AK7: variants seen among roughly 807,000 people sequenced by gnomAD.
The protein encoded by AK7 is ATP-AMP transphosphorylase 7.
A neutral mutation model predicts 96.6 loss-of-function variants in AK7; 78 were observed. The ratio of observed to expected loss-of-function variants is 0.81; its 90% CI spans 0.67 to 0.97. The LOEUF (loss-of-function observed/expected upper bound fraction) is 0.97, where lower values mean the gene tolerates loss of function less well. AK7 is among the 50% of genes least tolerant of loss of function. The pLI, the probability that AK7 is intolerant of heterozygous loss-of-function variation, is 0.00. For missense variants in AK7, 855 were observed against 887.9 expected (o/e 0.96, Z 0.47); for synonymous variants, 302 against 317.2 (o/e 0.95, Z 0.51).
At chr14:96,418,625 T>C (rs1219430367) in intron 4 of AK7, among the ~76,000 whole-genome samples, 2 of 152,138 alleles carry the variant, frequency 1.3e-5, no homozygotes, top group Non-Finnish European at 2.9e-5. Context: ...TTCAAGCGAT[T>C]CTCCTGCCTC....
intron 4 of AK7, among the ~76,000 whole-genome samples, chr14:96,419,785 T>TTTC (rs33935761): frequency 0.072 from 5,294 of 73,594 alleles, 622 homozygotes; most frequent in African/African-American, 0.23. Flanking sequence ...TTTTTCTTTC[T>TTTC]TTTCTTTTTT....
chr14:96,450,238 GA>G (rs1359687155), intron 9 of AK7, among the ~76,000 whole-genome samples: 4 of 151,952 alleles, frequency 2.6e-5, no homozygotes, highest in African/African-American at 9.7e-5. Flanking sequence ...CCAACCGGGT[GA>G]AACCCTGTCT....
chr14:96,405,841 A>G (rs1041069311), intron 3 of AK7, among the ~76,000 whole-genome samples: 1 of 152,208 alleles, frequency 6.6e-6, no homozygotes, highest in Non-Finnish European at 1.5e-5. Context: ...AAGGACCTCA[A>G]GTCTAAGAGA....
At chr14:96,448,630 TAAAAAA>T (rs71103528) in intron 8 of AK7, among the ~76,000 whole-genome samples, 15 of 74,894 alleles carry the variant, frequency 2.0e-4, no homozygotes, top group Non-Finnish European at 2.3e-4. Flanking sequence ...ACCCTATCTC[TAAAAAA>T]AAAAAAAAAA....
Position 96,488,587 on chromosome 14 carries a change from T to G in AK7, c.*244T>G. 2.5e-6 allele frequency: 1 copy of G among 396,972 alleles called. No individual in the cohort carries two copies. The highest frequency in any genetic ancestry group is 4.5e-5 in the South Asian group (1 of 22,078). The allele number at this position is 396,972 out of a possible 1,614,324, so 24.6% of individuals were successfully genotyped here. On this transcript the variant is annotated 3_prime_UTR_variant, in exon 18 of 18. Transcript: ENST00000267584. ...TCATGAGACAAATACTGATTTAATATTTTATTCTTTAGTCAGATCTAAATA... is the reference window on the plus strand; with the variant it reads ...TCATGAGACAAATACTGATTTAATAGTTTATTCTTTAGTCAGATCTAAATA...
At chr14:96,427,153 G>A (rs538775343) in intron 5 of AK7, among the ~76,000 whole-genome samples, 1 of 152,284 alleles carries the variant, frequency 6.6e-6, no homozygotes, top group Middle Eastern at 3.4e-3. Flanking sequence ...GCTGAGGCAG[G>A]AGAATCGTTT....
chr14:96,423,684 G>A (rs1163307247), intron 5 of AK7: 4 of 667,896 alleles, frequency 6.0e-6, no homozygotes, highest in Non-Finnish European at 1.1e-5. Context: ...TCAGGTCGCC[G>A]AGCTGCCCCC....
In AK7 at chr14:96,442,810, T is replaced by C; in HGVS notation, c.771T>C (p.Asp257=). The part of the protein sequence containing the change: ...TNVIPTIHVL[D]LAGVIQNVID... ...TAATTCCAACAATCCATGTTCTTGA[T>C]CTAGCAGGGTAAGCATTCGCCCAGA... Residue 257 remains aspartate, a synonymous_variant, in exon 7 of 18, where the codon GAT becomes GAC. Coordinates refer to ENST00000267584, the MANE Select transcript of AK7 (RefSeq NM_152327.5). 1 of 1,613,806 alleles carries C rather than the reference T, an allele frequency of 6.2e-7. No homozygotes were observed. The highest frequency in any genetic ancestry group is 1.6e-4 in the Middle Eastern group (1 of 6,062).
chr14:96,421,035 ACCCCAG>A, intron 5 of AK7, 103 bp downstream of exon 5: 4 of 751,870 alleles, frequency 5.3e-6, no homozygotes, highest in Non-Finnish European at 8.7e-6. Flanking sequence ...CTTTAGGCTC[ACCCCAG>A]GATACACTGT....
At chr14:96,395,355 G>T (rs993870207) in intron 1 of AK7, among the ~76,000 whole-genome samples, 9 of 152,278 alleles carry the variant, frequency 5.9e-5, no homozygotes, top group Non-Finnish European at 1.2e-4. Context: ...GAAGTGGGTT[G>T]TCCTAAAGGT....
chr14:96,424,841 A>T (rs1411195236), intron 5 of AK7, among the ~76,000 whole-genome samples: 1 of 152,206 alleles, frequency 6.6e-6, no homozygotes, highest in Non-Finnish European at 1.5e-5. Context: ...TTTTATTGGA[A>T]CCCGTGATTT....
chr14:96,471,332 T>TAAA, intron 12 of AK7, 146 bp from the exon 13 acceptor site: 1 of 396,290 alleles, frequency 2.5e-6, no homozygotes, highest in Admixed American at 4.9e-5. Context: ...CCCCGTCTCT[T>TAAA]TAAAAAAAAA....
At chr14:96,405,567 C>G (rs903180289) in intron 3 of AK7, among the ~76,000 whole-genome samples, 6 of 152,062 alleles carry the variant, frequency 3.9e-5, no homozygotes, top group African/African-American at 1.4e-4. Flanking sequence ...AGGGCAGATA[C>G]AAAGACAGAT....
At chr14:96,405,652 G>C (rs1342109742) in intron 3 of AK7, among the ~76,000 whole-genome samples, 1 of 152,106 alleles carries the variant, frequency 6.6e-6, no homozygotes, top group Non-Finnish European at 1.5e-5. Flanking sequence ...CTCAACAAAG[G>C]GGGGTGCGCT....
chr14:96,455,598 G>T (rs1296957400), intron 10 of AK7, among the ~76,000 whole-genome samples: 1 of 152,220 alleles, frequency 6.6e-6, no homozygotes, highest in Admixed American at 6.5e-5. Flanking sequence ...TCTTTGCTTT[G>T]TTACTGTTCC....
At chr14:96,394,254 G>A (rs1308205331) in intron 1 of AK7, among the ~76,000 whole-genome samples, 3 of 152,220 alleles carry the variant, frequency 2.0e-5, no homozygotes, top group Non-Finnish European at 4.4e-5. Context: ...GTGCTAGGGG[G>A]CAGTGCACCA....
chr14:96,413,318 C>T (rs1213728507), intron 4 of AK7, among the ~76,000 whole-genome samples: 3 of 152,348 alleles, frequency 2.0e-5, no homozygotes, highest in Admixed American at 2.0e-4. Context: ...CTTCTCCACC[C>T]TGCTCCAAAC....
At chr14:96,437,943 G>A (rs1286638775) in intron 6 of AK7, 28 bp downstream of exon 6, 2 of 1,590,288 alleles carry the variant, frequency 1.3e-6, no homozygotes, top group African/African-American at 2.7e-5. Context: ...GACGTGGAAT[G>A]TTTAAAAGTG....
intron 5 of AK7, among the ~76,000 whole-genome samples, chr14:96,425,803 A>G (rs1400438021): frequency 6.6e-6 from 1 of 152,010 alleles, no homozygotes; most frequent in Non-Finnish European, 1.5e-5. Context: ...CTTGAAAACT[A>G]TTTTGTCTGA....
Sources: allele counts gnomAD v4.1 joint callset (sites outside exome capture counted in the v4.1 genomes callset), GRCh38; gene constraint gnomAD v4.1.1; transcripts MANE v1.5; gene names NCBI Gene and HGNC (gene_info 2026-07-23, HGNC 2026-07-21).